RAB11FIP2: variants seen among roughly 807,000 people sequenced by gnomAD.
RAB11FIP2 encodes RAB11 family interacting protein 2, also known as rab11 family-interacting protein 2.
In RAB11FIP2, 16 loss-of-function variants were observed where a neutral mutation model predicts 40.9. The observed-to-expected ratio is 0.39, with a 90% CI of 0.26 to 0.59. RAB11FIP2 has a LOEUF of 0.59. RAB11FIP2 is among the 20% of genes least tolerant of loss of function. RAB11FIP2 has a pLI of 0.53. For synonymous variants in RAB11FIP2, 228 were observed against 213.7 expected, an observed-to-expected ratio of 1.07 and a Z score of -0.58; for missense variants, 532 against 606.2, an observed-to-expected ratio of 0.88 and a Z score of 1.28.
chr10:118,013,609 A>C (rs2133162595), intron 4 of RAB11FIP2, among the ~76,000 whole-genome samples: 1 of 152,236 alleles, frequency 6.6e-6, no homozygotes, highest in East Asian at 1.9e-4. Flanking sequence ...GATCAGTACG[A>C]AGATGCGCTT....
Position 118,007,921 on chromosome 10 carries a change from A to C in RAB11FIP2, c.*1077T>G, listed in dbSNP as rs117083662. The C allele has an allele frequency of 4.5e-3, 681 of 152,630 alleles. 11 individuals carry two copies. The East Asian group carries it at 0.051, about 11-fold the overall frequency. 9.5% of individuals were successfully genotyped at this position (152,630 alleles called of 1,614,324 possible). On this transcript the variant is annotated 3_prime_UTR_variant, in exon 5 of 5. Coordinates refer to ENST00000355624, the MANE Select transcript of RAB11FIP2 (RefSeq NM_014904.3). ...TTTGGTTCAAGACCCAAAGGCAACC[A>C]TCTGCTCTATTATTTATGTAACCTG...
chr10:118,041,959 CAG>C (rs1346371885), intron 1 of RAB11FIP2, among the ~76,000 whole-genome samples: 7 of 151,958 alleles, frequency 4.6e-5, no homozygotes, highest in Admixed American at 6.6e-5. Context: ...TCTGAAGAAA[CAG>C]GGGCTAGAAA....
At chr10:118,012,238 A>G (rs1036229201) in intron 4 of RAB11FIP2, among the ~76,000 whole-genome samples, 1 of 151,894 alleles carries the variant, frequency 6.6e-6, no homozygotes, top group African/African-American at 2.4e-5. Flanking sequence ...TTTTCCTTAC[A>G]ACAATCTAAC....
At chr10:118,039,981 A>G (rs1316226562) in intron 2 of RAB11FIP2, 142 bp downstream of exon 2, 3 of 683,032 alleles carry the variant, frequency 4.4e-6, no homozygotes, top group South Asian at 2.0e-5. Context: ...GAGGTATAGT[A>G]GGTACTCAAT....
chr10:118,010,516 G>A (rs1589636255), intron 4 of RAB11FIP2, among the ~76,000 whole-genome samples: 1 of 152,054 alleles, frequency 6.6e-6, no homozygotes, highest in East Asian at 1.9e-4. Flanking sequence ...CATGAGAAAA[G>A]CCAAAGTTTA....
At chr10:118,045,732 TA>T in intron 1 of RAB11FIP2, 78 bp downstream of exon 1, 1 of 1,198,826 alleles carries the variant, frequency 8.3e-7, no homozygotes, top group Non-Finnish European at 1.2e-6. Context: ...GCCCGAAGTA[TA>T]CGGATAATTT....
At chr10:118,024,259 C>G (rs1166822142) in intron 3 of RAB11FIP2, among the ~76,000 whole-genome samples, 2 of 151,984 alleles carry the variant, frequency 1.3e-5, no homozygotes, top group Non-Finnish European at 2.9e-5. Flanking sequence ...ATAAATCCAA[C>G]AACAAGCATA....
chr10:118,021,220 T>A (rs751245519), intron 3 of RAB11FIP2, among the ~76,000 whole-genome samples: 1 of 152,258 alleles, frequency 6.6e-6, no homozygotes, highest in East Asian at 1.9e-4. Flanking sequence ...GTATGTAAAA[T>A]GGTGTAATTA....
chr10:118,028,724 TAGTG>T (rs1232865042), intron 3 of RAB11FIP2, among the ~76,000 whole-genome samples: 1 of 152,232 alleles, frequency 6.6e-6, no homozygotes, highest in Non-Finnish European at 1.5e-5. Flanking sequence ...GTTATCCTCT[TAGTG>T]AGAAACTAAC....
rs909938482 is a variant in RAB11FIP2, at chr10:118,039,203, A to T, written c.1034T>A (p.Ile345Lys). ...TTTCTCTCTTTTATTTTCTTTTCTT[A>T]TTTCAATTGGTTTTGAAAATAAATT... Reference protein sequence around the residue: ...SMNLFSKPIEIRKENKREKRE... With the variant: ...SMNLFSKPIEKRKENKREKRE... Residue 345 changes from isoleucine (I) to lysine (K), a missense_variant, in exon 3 of 5, where the codon ATA becomes AAA. By Grantham distance (102) the Ile-to-Lys change is moderately radical (BLOSUM62 -3). Coordinates refer to ENST00000355624, the MANE Select transcript of RAB11FIP2 (RefSeq NM_014904.3). 4 of 1,613,190 alleles carry T rather than the reference A, an allele frequency of 2.5e-6. No individual in the cohort carries two copies. The African/African-American group carries it at 4.0e-5, about 16-fold the overall frequency.
At chr10:118,037,448 T>C (rs983845870) in intron 3 of RAB11FIP2, among the ~76,000 whole-genome samples, 2 of 152,202 alleles carry the variant, frequency 1.3e-5, no homozygotes, top group Admixed American at 6.5e-5. Context: ...CTAAAAGTGA[T>C]TGATTGTTAA....
intron 3 of RAB11FIP2, among the ~76,000 whole-genome samples, chr10:118,028,310 A>G (rs1846370051): frequency 6.6e-6 from 1 of 150,506 alleles, no homozygotes; most frequent in South Asian, 2.1e-4. Flanking sequence ...TAAATATATA[A>G]GATTTTAATA....
At chr10:118,014,718 T>C (rs923617907) in intron 4 of RAB11FIP2, among the ~76,000 whole-genome samples, 2 of 152,150 alleles carry the variant, frequency 1.3e-5, no homozygotes, top group African/African-American at 4.8e-5. Flanking sequence ...CAACAAAAAA[T>C]AGTCTTTTCT....
At chr10:118,014,363 C>A (rs949086647) in intron 4 of RAB11FIP2, among the ~76,000 whole-genome samples, 12 of 152,094 alleles carry the variant, frequency 7.9e-5, no homozygotes, top group Admixed American at 6.6e-4. Context: ...CTACCAAGAA[C>A]GTTTGCCCAT....
chr10:118,009,030 A>G lies in RAB11FIP2; in HGVS notation c.1507T>C (p.Ser503Pro), dbSNP rs768224110. Residue 503 changes from serine to proline, a missense_variant, in exon 5 of 5, where the codon TCC becomes CCC. Physicochemically the swap from Ser to Pro is moderately conservative, Grantham distance 74. Coordinates refer to ENST00000355624, the MANE Select transcript of RAB11FIP2 (RefSeq NM_014904.3). The stretch of plus-strand genomic sequence containing the variant: ...TTAGAGAATTTGCCAGCTTTCCTGG[A>G]TGGTTCATACGGCACTCTGAGAATA... ...PSILRVPYEP[S>P]RKAGKFSNS 6.2e-7 allele frequency: 1 copy of G among 1,613,092 alleles called. No homozygotes were observed. The highest frequency in any genetic ancestry group is 1.1e-5 in the South Asian group (1 of 91,036).
intron 3 of RAB11FIP2, among the ~76,000 whole-genome samples, chr10:118,023,491 G>A (rs543171286): frequency 3.3e-5 from 5 of 152,158 alleles, no homozygotes; most frequent in Admixed American, 6.5e-5. Flanking sequence ...GACTGGGCAT[G>A]TACACCAAAA....
intron 3 of RAB11FIP2, among the ~76,000 whole-genome samples, chr10:118,029,449 C>T (rs1210939180): frequency 6.6e-6 from 1 of 152,128 alleles, no homozygotes; most frequent in Non-Finnish European, 1.5e-5. Context: ...TTCAATCATA[C>T]CACAAACCAA....
chr10:118,045,936 A>T lies in RAB11FIP2; in HGVS notation c.228T>A (p.Ser76Arg), dbSNP rs759488819. 8 of 1,614,088 alleles carry T rather than the reference A, an allele frequency of 5.0e-6. No individual in the cohort carries two copies. The highest frequency in any genetic ancestry group is 5.9e-6 in the Non-Finnish European group (7 of 1,180,034). The stretch of plus-strand genomic sequence containing the variant: ...TAAGGAAAAGAATGTATTTCTCTGG[A>T]CTTCCCTGAATTAGCAATCCAGGTA... ...FELPGLLIQG[S>R]PEKYILFLIV... The change falls in exon 1 of 5, where the codon AGT becomes AGA. Residue 76 changes from serine to arginine, a missense_variant. Transcript: ENST00000355624.
At chr10:118,041,731 T>C (rs1235960302) in intron 1 of RAB11FIP2, among the ~76,000 whole-genome samples, 1 of 152,172 alleles carries the variant, frequency 6.6e-6, no homozygotes, top group Non-Finnish European at 1.5e-5. Flanking sequence ...TTACTGTATA[T>C]CAAGTTGAAA....
Sources: allele counts gnomAD v4.1 joint callset (sites outside exome capture counted in the v4.1 genomes callset), GRCh38; gene constraint gnomAD v4.1.1; transcripts MANE v1.5; gene names NCBI Gene and HGNC (gene_info 2026-07-23, HGNC 2026-07-21).